The following OLFM3 variants were observed in gnomAD, a reference collection of about 807,000 sequenced individuals.
The protein encoded by OLFM3 is olfactomedin 3, also known as noelin-3.
Under a neutral mutation model 48.6 loss-of-function variants are expected in OLFM3, and 20 were observed. The ratio of observed to expected loss-of-function variants is 0.41; its 90% CI spans 0.29 to 0.60. OLFM3 has a LOEUF of 0.60. Ranked by LOEUF, OLFM3 falls within the 20% of genes least tolerant of loss-of-function variation. The pLI, the probability that OLFM3 is intolerant of heterozygous loss-of-function variation, is 0.28. For missense variants in OLFM3, 437 were observed against 544.3 expected (o/e 0.80, Z 1.96); for synonymous variants, 222 against 198.1 (o/e 1.12, Z -1.01).
chr1:101,932,264 A>G (rs1310772902), intron 1 of OLFM3, among the ~76,000 whole-genome samples: 1 of 152,204 alleles, frequency 6.6e-6, no homozygotes. Flanking sequence ...TAATTCAGTA[A>G]GATTATAGTG....
chr1:101,822,832 T>C (rs1456293120), intron 4 of OLFM3, among the ~76,000 whole-genome samples: 1 of 152,088 alleles, frequency 6.6e-6, no homozygotes, highest in African/African-American at 2.4e-5. Context: ...GTTTACCTAT[T>C]GTATATTAAC....
chr1:101,861,965 A>G (rs982637003), intron 1 of OLFM3, among the ~76,000 whole-genome samples: 1 of 152,196 alleles, frequency 6.6e-6, no homozygotes, highest in African/African-American at 2.4e-5. Flanking sequence ...AAAGGAAGAA[A>G]CAGGGTTAAA....
intron 1 of OLFM3, among the ~76,000 whole-genome samples, chr1:101,852,792 T>A (rs1310985677): frequency 6.6e-6 from 1 of 152,128 alleles, no homozygotes; most frequent in East Asian, 1.9e-4. Flanking sequence ...AACACTCTAG[T>A]TAAGTTGCTC....
At chr1:101,825,399 C>T (rs375106535) in intron 3 of OLFM3, among the ~76,000 whole-genome samples, 154 bp from the exon 4 acceptor site, 164 of 152,164 alleles carry the variant, frequency 1.1e-3, no homozygotes, top group Admixed American at 2.5e-3. Context: ...AAAATTTAAG[C>T]GGTCATGTGA....
At position 101,804,706 on chromosome 1, in the gene OLFM3, A is replaced by G. The variant is rs1277950145; in HGVS notation, c.909T>C (p.Leu303=). Residue 303 remains leucine (L), a synonymous_variant, in exon 6 of 6, where the codon CTT becomes CTC. Coordinates refer to ENST00000370103, the MANE Select transcript of OLFM3 (RefSeq NM_058170.4). The surrounding 1 kb of genome is among the most constrained non-coding windows in gnomAD (Gnocchi z 4.5). ...CAGCATACTCCAGGCTTCGTTGGGC[A>G]AGCACTCTCCCCATATCAAAGCTGT... ...IKYSFDMGRV[L]AQRSLEYAGF... 1.2e-6 allele frequency: 2 copies of G among 1,612,664 alleles called. No homozygotes were observed. Among genetic ancestry groups the G allele is most frequent in the Non-Finnish European group, 1.7e-6 (2 of 1,179,172 alleles).
At chr1:101,949,324 A>AT (rs1434770229) in intron 1 of OLFM3, among the ~76,000 whole-genome samples, 1 of 152,084 alleles carries the variant, frequency 6.6e-6, no homozygotes, top group African/African-American at 2.4e-5. Context: ...ACAGAAAGGT[A>AT]TTTTTATTTT....
intron 1 of OLFM3, among the ~76,000 whole-genome samples, chr1:101,952,224 T>C (rs1473570057): frequency 1.3e-5 from 2 of 152,162 alleles, no homozygotes; most frequent in Admixed American, 6.5e-5. Context: ...TCTTATTTTC[T>C]CCTTTTTTGG....
intron 1 of OLFM3, among the ~76,000 whole-genome samples, chr1:101,846,364 A>T (rs1048233537): frequency 1.3e-5 from 2 of 152,174 alleles, no homozygotes; most frequent in African/African-American, 4.8e-5. Flanking sequence ...TTATGCTTAA[A>T]AGATGTTAGT....
chr1:101,818,443 T>G (rs893191439), intron 4 of OLFM3, among the ~76,000 whole-genome samples: 1 of 152,166 alleles, frequency 6.6e-6, no homozygotes, highest in South Asian at 2.1e-4. Context: ...GCCATTCTAT[T>G]TTACAACCTA....
chr1:101,856,584 A>AT (rs1323541869), intron 1 of OLFM3, among the ~76,000 whole-genome samples: 2 of 151,818 alleles, frequency 1.3e-5, no homozygotes, highest in Admixed American at 6.6e-5. Context: ...CAAATAGCTG[A>AT]TTTTTTTCTG....
At chr1:101,822,745 T>C (rs985131053) in intron 4 of OLFM3, among the ~76,000 whole-genome samples, 3 of 152,144 alleles carry the variant, frequency 2.0e-5, no homozygotes, top group Non-Finnish European at 4.4e-5. Context: ...CTGTCACTAA[T>C]ATGGGCATTA....
chr1:101,898,134 T>C (rs1165238085), intron 1 of OLFM3, among the ~76,000 whole-genome samples: 1 of 152,186 alleles, frequency 6.6e-6, no homozygotes, highest in Non-Finnish European at 1.5e-5. Context: ...CATAGCTTAC[T>C]GAAAAAAAGT....
At chr1:101,892,034 A>T (rs983058528) in intron 1 of OLFM3, among the ~76,000 whole-genome samples, 2 of 152,038 alleles carry the variant, frequency 1.3e-5, no homozygotes, top group African/African-American at 2.4e-5. Flanking sequence ...TTTAATGTGT[A>T]AACTTAATTG....
At chr1:101,972,089 T>C (rs1198340727) in intron 1 of OLFM3, among the ~76,000 whole-genome samples, 2 of 152,152 alleles carry the variant, frequency 1.3e-5, no homozygotes, top group African/African-American at 4.8e-5. Flanking sequence ...GTGGCATAAC[T>C]AATATTTTTT....
At chr1:101,806,015 G>C (rs1653755525) in intron 5 of OLFM3, 61 bp downstream of exon 5, 16 of 1,267,036 alleles carry the variant, frequency 1.3e-5, no homozygotes, top group Non-Finnish European at 1.7e-5. Context: ...GAATAGTCCA[G>C]AAGAGAAAAA....
At chr1:101,835,072 C>A (rs927758042) in intron 2 of OLFM3, among the ~76,000 whole-genome samples, 1 of 151,974 alleles carries the variant, frequency 6.6e-6, no homozygotes, top group Non-Finnish European at 1.5e-5. Flanking sequence ...AAAATAGCAA[C>A]ACAGAAGATA....
chr1:101,804,249 C>A lies in OLFM3; in HGVS notation c.1366G>T (p.Asp456Tyr), dbSNP rs765832514. ...VTLFHIIKTE[D>Y]DT ...CATGTCACATTTGCCTATGTGTCATCCTCTGTCTTGATGATATGGAAAAGG... is the reference window on the plus strand; with the variant it reads ...CATGTCACATTTGCCTATGTGTCATACTCTGTCTTGATGATATGGAAAAGG... Residue 456 changes from aspartate (D) to tyrosine (Y), a missense_variant, in exon 6 of 6, where the codon GAT becomes TAT. Transcript: ENST00000370103. The surrounding 1 kb of genome is among the most constrained non-coding windows in gnomAD (Gnocchi z 4.5). 1.9e-6 allele frequency: 3 copies of A among 1,591,060 alleles called. No individual in the cohort carries two copies. Among genetic ancestry groups the A allele is most frequent in the Admixed American group, 3.5e-5 (2 of 57,464 alleles).
At chr1:101,822,211 G>A (rs1021537605) in intron 4 of OLFM3, among the ~76,000 whole-genome samples, 4 of 152,116 alleles carry the variant, frequency 2.6e-5, no homozygotes, top group African/African-American at 7.2e-5. Context: ...CCCAACTGCA[G>A]TACAAATTAT....
chr1:101,949,100 A>G (rs1295227527), intron 1 of OLFM3, among the ~76,000 whole-genome samples: 1 of 151,952 alleles, frequency 6.6e-6, no homozygotes, highest in Non-Finnish European at 1.5e-5. Context: ...TAATTGTATA[A>G]TATATAATAA....
Sources: gnomAD v4.1 joint callset for allele counts (sites outside exome capture counted in the v4.1 genomes callset) on GRCh38, gnomAD v4.1.1 for gene constraint, Gnocchi (gnomAD v3.1) non-coding constraint, MANE v1.5 for transcripts, NCBI Gene and HGNC (gene_info 2026-07-23, HGNC 2026-07-21) for gene names.